The following PPARGC1A variants were observed in gnomAD, a reference collection of about 807,000 sequenced individuals.
PPARGC1A encodes peroxisome proliferator-activated receptor gamma coactivator 1-alpha.
Under a neutral mutation model 88.7 loss-of-function variants are expected in PPARGC1A, and 25 were observed. The observed-to-expected ratio is 0.28, with a 90% CI of 0.21 to 0.39. PPARGC1A has a LOEUF of 0.39. Among genes scored for constraint, PPARGC1A ranks in the 10% least tolerant of loss-of-function variants. The pLI is 1.00. For synonymous variants in PPARGC1A, 363 were observed against 355.6 expected (o/e 1.02, Z -0.24); for missense variants, 880 against 968.7 (o/e 0.91, Z 1.22).
chr4:24,357,614 G>C, the PPARGC1A span, among the ~76,000 whole-genome samples: 8 of 152,132 alleles, frequency 5.3e-5, no homozygotes, highest in African/African-American at 1.4e-4. Flanking sequence ...ATATGGTTTT[G>C]CTGTGTCCCC....
chr4:23,858,714 T>A (rs920173019), intron 2 of PPARGC1A, among the ~76,000 whole-genome samples: 1 of 152,144 alleles, frequency 6.6e-6, no homozygotes, highest in East Asian at 1.9e-4. Context: ...TTCAGAAAGG[T>A]AGAAAATTGA....
chr4:24,061,396 G>T, the PPARGC1A span, among the ~76,000 whole-genome samples: 8 of 152,328 alleles, frequency 5.3e-5, no homozygotes, highest in Admixed American at 3.9e-4. Context: ...CGCTAAGAAA[G>T]CATCTTAAAA....
chr4:24,120,389 C>A, the PPARGC1A span, among the ~76,000 whole-genome samples: 1 of 152,160 alleles, frequency 6.6e-6, no homozygotes, highest in African/African-American at 2.4e-5. Context: ...GAGACAATGG[C>A]ATGATATTCA....
chr4:24,127,766 A>C, the PPARGC1A span, among the ~76,000 whole-genome samples: 2 of 152,066 alleles, frequency 1.3e-5, no homozygotes, highest in African/African-American at 4.8e-5. Context: ...GAGCTCACAG[A>C]TATGTGTGGA....
At chr4:24,058,641 G>A in the PPARGC1A span, among the ~76,000 whole-genome samples, 3 of 152,122 alleles carry the variant, frequency 2.0e-5, no homozygotes, top group Non-Finnish European at 2.9e-5. Flanking sequence ...AGAGACAAAG[G>A]TAAAACTAAA....
At chr4:23,908,030 TG>T (rs1216035547), upstream of PPARGC1A, among the ~76,000 whole-genome samples, 3 of 152,128 alleles carry the variant, frequency 2.0e-5, no homozygotes, top group African/African-American at 7.2e-5. Context: ...AAGATTTGTA[TG>T]AAAAAAACTG....
the PPARGC1A span, among the ~76,000 whole-genome samples, chr4:24,317,596 A>ACAC: frequency 6.9e-5 from 9 of 131,208 alleles, no homozygotes; most frequent in South Asian, 2.4e-4. Flanking sequence ...AAAAAAAAAA[A>ACAC]CACCACCACC....
the PPARGC1A span, among the ~76,000 whole-genome samples, chr4:24,237,763 G>C: frequency 6.6e-6 from 1 of 152,164 alleles, no homozygotes; most frequent in East Asian, 1.9e-4. Flanking sequence ...AACTATGCTA[G>C]AGGCAACAAC....
the PPARGC1A span, among the ~76,000 whole-genome samples, chr4:24,225,540 C>A: frequency 0.12 from 17,863 of 149,256 alleles, 1,355 homozygotes; most frequent in Middle Eastern, 0.26. Flanking sequence ...AAAAAAAAAA[C>A]ACACACACAC....
chr4:24,380,764 G>A, the PPARGC1A span, among the ~76,000 whole-genome samples: 1 of 152,158 alleles, frequency 6.6e-6, no homozygotes, highest in South Asian at 2.1e-4. Flanking sequence ...TGAGAAGAGC[G>A]TCTAAAGCCC....
At chr4:24,159,384 T>C in the PPARGC1A span, among the ~76,000 whole-genome samples, 1 of 151,976 alleles carries the variant, frequency 6.6e-6, no homozygotes, top group Non-Finnish European at 1.5e-5. Flanking sequence ...CTAATGTTTG[T>C]ATTTTTATTA....
the PPARGC1A span, among the ~76,000 whole-genome samples, chr4:24,446,980 C>A: frequency 6.6e-6 from 1 of 152,144 alleles, no homozygotes; most frequent in Non-Finnish European, 1.5e-5. Context: ...ATCAAAGACA[C>A]CCCTTTCTAG....
chr4:23,950,309 A>C, the PPARGC1A span, among the ~76,000 whole-genome samples: 1 of 152,024 alleles, frequency 6.6e-6, no homozygotes, highest in South Asian at 2.1e-4. Flanking sequence ...CCTCCTCTAT[A>C]AACTTCCTTC....
chr4:23,938,461 C>G, the PPARGC1A span, among the ~76,000 whole-genome samples: 6 of 152,168 alleles, frequency 3.9e-5, no homozygotes, highest in Non-Finnish European at 7.4e-5. Context: ...GATACAGTAA[C>G]AAACAAGACA....
chr4:24,353,046 T>C, the PPARGC1A span, among the ~76,000 whole-genome samples: 1 of 152,178 alleles, frequency 6.6e-6, no homozygotes, highest in Non-Finnish European at 1.5e-5. Context: ...GTGGGACTAT[T>C]GAATGGCGGG....
chr4:24,164,175 A>C, the PPARGC1A span, among the ~76,000 whole-genome samples: 1 of 152,336 alleles, frequency 6.6e-6, no homozygotes, highest in African/African-American at 2.4e-5. Context: ...AAACTGACTT[A>C]AACAGGTGTT....
the PPARGC1A span, among the ~76,000 whole-genome samples, chr4:23,997,119 A>G: frequency 6.6e-6 from 1 of 152,208 alleles, no homozygotes; most frequent in South Asian, 2.1e-4. Context: ...TAAAGACGCC[A>G]TGAAACAATA....
chr4:24,378,192 C>T, the PPARGC1A span, among the ~76,000 whole-genome samples: 1 of 152,046 alleles, frequency 6.6e-6, no homozygotes, highest in Non-Finnish European at 1.5e-5. Context: ...CAAAAATTAG[C>T]TGGGCATGGC....
chr4:24,286,806 G>A, the PPARGC1A span, among the ~76,000 whole-genome samples: 4,979 of 152,162 alleles, frequency 0.033, 294 homozygotes, highest in African/African-American at 0.11. Context: ...TGAGGAATTC[G>A]GGCTCAGGGT....
Sources: gnomAD v4.1 joint callset for allele counts (sites outside exome capture counted in the v4.1 genomes callset) on GRCh38, gnomAD v4.1.1 for gene constraint, MANE v1.5 for transcripts, NCBI Gene and HGNC (gene_info 2026-07-23, HGNC 2026-07-21) for gene names.